Variants in VAT1L observed in about 807,000 individuals in gnomAD.
VAT1L encodes putative NADPH-dependent quinone oxidoreductase VAT1L.
Under a neutral mutation model 44.1 loss-of-function variants are expected in VAT1L, and 34 were observed. That is an observed-to-expected ratio of 0.77 (90% confidence interval 0.59 to 1.03). VAT1L has a LOEUF of 1.03. VAT1L is among the 50% of genes least tolerant of loss of function. The probability of loss-of-function intolerance (pLI) is 0.00; values close to 1 mark genes in which losing one functional copy is unlikely to be tolerated. For missense variants in VAT1L, 615 were observed against 538.8 expected (o/e 1.14, Z -1.40); for synonymous variants, 253 against 202.2 (o/e 1.25, Z -2.13).
chr16:77,911,509 A>C (rs2017499527), intron 7 of VAT1L, among the ~76,000 whole-genome samples: 1 of 152,126 alleles, frequency 6.6e-6, no homozygotes, highest in Non-Finnish European at 1.5e-5. Flanking sequence ...GCTATTCTAC[A>C]AGGCCAAGAG....
At chr16:77,862,660 G>A (rs796895300) in intron 3 of VAT1L, 88 bp from the exon 4 acceptor site, 53 of 799,646 alleles carry the variant, frequency 6.6e-5, no homozygotes, top group African/African-American at 4.3e-4. Context: ...CAATAGTGCC[G>A]ATGGAGAAAT....
At chr16:77,914,725 A>G (rs1323695311) in intron 7 of VAT1L, among the ~76,000 whole-genome samples, 1 of 152,172 alleles carries the variant, frequency 6.6e-6, no homozygotes. Flanking sequence ...TGAAGCTGAA[A>G]GAGGTTACAG....
chr16:77,966,456 C>A lies in VAT1L; in HGVS notation c.1078-5394C>A, dbSNP rs186430736. ...ACTCCAGGAGGGGACCCAGGACGTA[C>A]AGAGACACAGTGCAGAGAGCCCAGT... On this transcript the variant is annotated intron_variant, in intron 7 of 8. Transcript: ENST00000302536. Among the ~76,000 whole-genome samples the A allele has an allele frequency of 2.4e-4, 37 of 152,290 alleles. No individual in the cohort carries two copies. In the East Asian group the frequency reaches 6.8e-3, roughly 28 times the overall value.
At chr16:77,907,098 A>G (rs538782908) in intron 7 of VAT1L, among the ~76,000 whole-genome samples, 2 of 152,336 alleles carry the variant, frequency 1.3e-5, no homozygotes, top group African/African-American at 4.8e-5. Context: ...TAGCGGGGGA[A>G]AAAAAGCCCT....
At chr16:77,930,492 G>A (rs754311797) in intron 7 of VAT1L, among the ~76,000 whole-genome samples, 1 of 152,182 alleles carries the variant, frequency 6.6e-6, no homozygotes, top group Non-Finnish European at 1.5e-5. Context: ...AAGGAGGTGT[G>A]AGGTAGATAA....
At chr16:77,808,795 C>T (rs902961189) in intron 1 of VAT1L, among the ~76,000 whole-genome samples, 2 of 152,052 alleles carry the variant, frequency 1.3e-5, no homozygotes, top group Non-Finnish European at 2.9e-5. Flanking sequence ...TGATGTTTTT[C>T]CATGTTGGTC....
At chr16:77,948,056 G>A (rs1328068439) in intron 7 of VAT1L, among the ~76,000 whole-genome samples, 4 of 152,092 alleles carry the variant, frequency 2.6e-5, no homozygotes, top group African/African-American at 9.7e-5. Context: ...CACCGCGCCC[G>A]GCCCCATCTC....
rs150516721 is a variant in VAT1L, at chr16:77,934,999, G to C, written c.1078-36851G>C. ...GTCTAGTTTTCATCTTTGAGTATAG[G>C]GGGGATAAAAAGGCCTCTTGGTGCT... On this transcript the variant is annotated intron_variant, in intron 7 of 8. Coordinates refer to ENST00000302536, the MANE Select transcript of VAT1L (RefSeq NM_020927.3). Among the ~76,000 whole-genome samples, 94 of 152,068 alleles carry C rather than the reference G, an allele frequency of 6.2e-4. No individual in the cohort carries two copies. In the East Asian group the frequency reaches 0.013, roughly 21 times the overall value.
intron 1 of VAT1L, chr16:77,801,180 G>C (rs1310675210): frequency 8.3e-6 from 1 of 121,020 alleles, no homozygotes; most frequent in African/African-American, 2.9e-5. Context: ...TCTATGCTAA[G>C]TGTTCTATGG....
At chr16:77,807,364 AC>A (rs1165619417) in intron 1 of VAT1L, among the ~76,000 whole-genome samples, 1 of 151,900 alleles carries the variant, frequency 6.6e-6, no homozygotes, top group African/African-American at 2.4e-5. Flanking sequence ...CCAAGCCTGC[AC>A]CCCCTCCCTG....
At chr16:77,904,768 C>T (rs2017422280) in intron 7 of VAT1L, among the ~76,000 whole-genome samples, 1 of 152,182 alleles carries the variant, frequency 6.6e-6, no homozygotes, top group African/African-American at 2.4e-5. Context: ...AAGAAATGTG[C>T]TTTAAATATT....
intron 7 of VAT1L, among the ~76,000 whole-genome samples, chr16:77,909,592 G>A (rs1292764096): frequency 3.5e-5 from 5 of 140,918 alleles, no homozygotes; most frequent in Admixed American, 2.3e-4. Flanking sequence ...AGCTGAGATC[G>A]CAACACCGCA....
intron 7 of VAT1L, among the ~76,000 whole-genome samples, chr16:77,939,891 C>T (rs1244002239): frequency 6.6e-6 from 1 of 152,060 alleles, no homozygotes; most frequent in Non-Finnish European, 1.5e-5. Flanking sequence ...GTTGGAAAGG[C>T]TTGTTAGTCT....
intron 7 of VAT1L, among the ~76,000 whole-genome samples, chr16:77,946,276 G>GTTTTTTTTTTTTTT (rs1597114758): frequency 1.2e-4 from 4 of 33,850 alleles, no homozygotes; most frequent in African/African-American, 3.2e-4. Context: ...TAGGTTACTT[G>GTTTTTTTTTTTTTT]TTCTTTTTTT....
intron 7 of VAT1L, among the ~76,000 whole-genome samples, chr16:77,912,195 G>A (rs189483527): frequency 6.6e-6 from 1 of 152,162 alleles, no homozygotes; most frequent in Non-Finnish European, 1.5e-5. Context: ...CAGCATAAGT[G>A]AGTTCTCTTT....
rs770790699 is a variant in VAT1L, at chr16:77,884,719, C to T, written c.994C>T (p.Arg332Trp). The T allele has an allele frequency of 6.2e-6, 10 of 1,607,306 alleles. No homozygotes were observed. The highest frequency in any genetic ancestry group is 4.5e-5 in the East Asian group (2 of 44,596). ...LFKQGRAGLI[R>W]GVVEKLIGLY... ...CAAACAAGGCCGGGCGGGCCTCATT[C>T]GGGGAGTGGTGGAAAAACTCATAGG... is the stretch of plus-strand genomic sequence containing the variant. Residue 332 changes from arginine to tryptophan, a missense_variant, in exon 7 of 9, where the codon CGG (arginine) becomes TGG (tryptophan). Coordinates refer to ENST00000302536, the MANE Select transcript of VAT1L (RefSeq NM_020927.3). This position sits in a 1 kb window ranked among gnomAD's most constrained non-coding sequence, Gnocchi z 4.5.
In VAT1L at chr16:77,870,421, G is replaced by T. The variant is rs547838704; in HGVS notation, c.723-5949G>T. On this transcript the variant is annotated intron_variant, in intron 4 of 8. Coordinates refer to ENST00000302536, the MANE Select transcript of VAT1L (RefSeq NM_020927.3). ...TGGAGAGCAAAGTCACCATAAAGAG[G>T]AATACTTTTCTTGGCAAGGTCAAAG... 1.8e-4 allele frequency among the ~76,000 whole-genome samples: 27 copies of T among 152,310 alleles called. No individual in the cohort carries two copies. In the South Asian group the frequency reaches 5.4e-3, roughly 30 times the overall value.
chr16:77,855,281 G>A (rs898395007), intron 3 of VAT1L, among the ~76,000 whole-genome samples: 7 of 151,574 alleles, frequency 4.6e-5, no homozygotes, highest in Non-Finnish European at 7.4e-5. Flanking sequence ...CAGAGGTTAC[G>A]GTGAGCCGAG....
intron 3 of VAT1L, among the ~76,000 whole-genome samples, chr16:77,836,728 A>G (rs17625404): frequency 0.068 from 10,397 of 152,334 alleles, 467 homozygotes; most frequent in Non-Finnish European, 0.1. Flanking sequence ...ATCCACGTCT[A>G]TTGCTGAAAA....
Sources: allele counts gnomAD v4.1 joint callset (sites outside exome capture counted in the v4.1 genomes callset), GRCh38; gene constraint gnomAD v4.1.1; non-coding constraint Gnocchi (gnomAD v3.1); transcripts MANE v1.5; gene names NCBI Gene and HGNC (gene_info 2026-07-23, HGNC 2026-07-21).